IRAK1BP1: variants seen among roughly 807,000 people sequenced by gnomAD.
IRAK1BP1 encodes interleukin-1 receptor-associated kinase 1-binding protein 1.
Under a neutral mutation model 28.0 loss-of-function variants are expected in IRAK1BP1, and 24 were observed. The observed-to-expected ratio is 0.86, with a 90% CI of 0.62 to 1.20. The LOEUF (loss-of-function observed/expected upper bound fraction) is 1.20, where lower values mean the gene tolerates loss of function less well. Ranked by LOEUF, IRAK1BP1 falls within the 50% of genes most tolerant of loss-of-function variation. The pLI is 0.00. For missense variants in IRAK1BP1, 336 were observed against 316.7 expected, an observed-to-expected ratio of 1.06 and a Z score of -0.46; for synonymous variants, 131 against 116.3, an observed-to-expected ratio of 1.13 and a Z score of -0.81.
In IRAK1BP1 at chr6:78,945,557, A is replaced by C; in HGVS notation, c.*217A>C. 4 of 1,044,510 alleles carry C rather than the reference A, an allele frequency of 3.8e-6. No individual in the cohort carries two copies. The East Asian group carries it at 1.0e-4, about 27-fold the overall frequency. The allele number at this position is 1,044,510 out of a possible 1,614,324, so 64.7% of individuals were successfully genotyped here. A position where few individuals can be genotyped will look rare whatever the true frequency, so the allele number is the denominator to read the frequency against. ...TTATTGAACCTAAAGATAAGAAAAA[A>C]GGTTAACCTGAATTATTTGAATTAG... On this transcript the variant is annotated 3_prime_UTR_variant and NMD_transcript_variant, in exon 5 of 5. Transcript: ENST00000606868.
chr6:78,944,015 G>T (rs1408992757), intron 4 of IRAK1BP1, among the ~76,000 whole-genome samples: 4 of 123,846 alleles, frequency 3.2e-5, no homozygotes, highest in Non-Finnish European at 6.8e-5. Context: ...AAAAAAAAAG[G>T]AAGTGCTTGA....
the IRAK1BP1 span, among the ~76,000 whole-genome samples, chr6:78,952,441 G>GA: frequency 7.7e-3 from 933 of 120,874 alleles, 9 homozygotes; most frequent in African/African-American, 0.026. Context: ...AAAAAAAAAA[G>GA]AAAAAAAAAA....
chr6:78,895,817 G>T (rs1267856888), intron 2 of IRAK1BP1, among the ~76,000 whole-genome samples: 2 of 152,198 alleles, frequency 1.3e-5, no homozygotes, highest in East Asian at 1.9e-4. Flanking sequence ...TTGTGCCTAC[G>T]ATCAGGTACA....
intron 4 of IRAK1BP1, among the ~76,000 whole-genome samples, chr6:78,932,120 C>A (rs765922816): frequency 1.3e-5 from 2 of 152,182 alleles, no homozygotes; most frequent in Non-Finnish European, 2.9e-5. Flanking sequence ...CATGAGATTG[C>A]AGCAATTCAG....
chr6:78,895,120 A>C (rs1429715112), intron 2 of IRAK1BP1, among the ~76,000 whole-genome samples: 4 of 152,124 alleles, frequency 2.6e-5, no homozygotes, highest in Non-Finnish European at 5.9e-5. Context: ...CTCAAAAAAA[A>C]AAAAAAAGTA....
At chr6:78,974,716 A>T in the IRAK1BP1 span, among the ~76,000 whole-genome samples, 1 of 152,198 alleles carries the variant, frequency 6.6e-6, no homozygotes, top group African/African-American at 2.4e-5. Context: ...ACAGAAATAC[A>T]AACTACCATC....
chr6:78,961,835 A>T, the IRAK1BP1 span: 1 of 1,563,828 alleles, frequency 6.4e-7, no homozygotes, highest in Non-Finnish European at 8.7e-7. Context: ...TAAGTTTGTA[A>T]ATTTATTTTT....
At chr6:78,911,434 A>G (rs1209522980) in intron 4 of IRAK1BP1, among the ~76,000 whole-genome samples, 1 of 152,116 alleles carries the variant, frequency 6.6e-6, no homozygotes, top group African/African-American at 2.4e-5. Flanking sequence ...ACACAATCCC[A>G]CATCTGGGAT....
chr6:78,954,977 G>T, the IRAK1BP1 span: 6,663 of 1,516,348 alleles, frequency 4.4e-3, 100 homozygotes, highest in African/African-American at 0.043. Flanking sequence ...TGATAAAAGT[G>T]TTCAAATATA....
In IRAK1BP1 at chr6:78,900,748, G is replaced by A. The variant is rs1326169623; in HGVS notation, c.*2414G>A. ...TCCTTACAAATGAAAGAGACTAATA[G>A]TACTTAACCTTGCAGTGTTATTATA... On this transcript the variant is annotated 3_prime_UTR_variant, in exon 4 of 4. Transcript: ENST00000369940. 6.6e-6 allele frequency: 1 copy of A among 152,154 alleles called. No homozygotes were observed. The highest frequency in any genetic ancestry group is 1.5e-5 in the Non-Finnish European group (1 of 68,032). 9.4% of individuals were successfully genotyped at this position (152,154 alleles called of 1,614,324 possible).
At chr6:78,892,208 A>G (rs530471755) in intron 2 of IRAK1BP1, among the ~76,000 whole-genome samples, 22 of 152,086 alleles carry the variant, frequency 1.4e-4, no homozygotes, top group Admixed American at 7.9e-4. Context: ...CTTATGTAAC[A>G]AACTCTTTCT....
chr6:78,881,868 CA>C (rs1391241159), intron 1 of IRAK1BP1, among the ~76,000 whole-genome samples: 6 of 151,966 alleles, frequency 3.9e-5, no homozygotes. Flanking sequence ...AGGGAAGTTA[CA>C]GATAAAAATG....
the IRAK1BP1 span, among the ~76,000 whole-genome samples, chr6:78,965,138 C>T: frequency 6.6e-6 from 1 of 152,252 alleles, no homozygotes; most frequent in East Asian, 1.9e-4. Context: ...ACAACTATAT[C>T]TTCATTGAGC....
the IRAK1BP1 span, among the ~76,000 whole-genome samples, chr6:78,979,267 C>T: frequency 6.6e-6 from 1 of 151,978 alleles, no homozygotes; most frequent in Non-Finnish European, 1.5e-5. Context: ...ACAAAGAGAA[C>T]TAACTAGAAG....
exon 5 of IRAK1BP1, chr6:78,945,547 A>T (rs369188165): frequency 8.7e-7 from 1 of 1,155,976 alleles, no homozygotes; most frequent in Admixed American, 1.9e-5. Context: ...GAACCTAAAG[A>T]TAAGAAAAAA....
Position 78,925,870 on chromosome 6 carries a change from C to A in IRAK1BP1, c.*68-19538C>A, listed in dbSNP as rs540775496. 2.0e-5 allele frequency among the ~76,000 whole-genome samples: 3 copies of A among 152,094 alleles called. No homozygotes were observed. The South Asian group carries it at 6.2e-4, about 32-fold the overall frequency. ...AATACTATGCAGCCATAATAAAGAA[C>A]AAAATTATGTCCTTTGCAGCAACGT... is the stretch of plus-strand genomic sequence containing the variant. On this transcript the variant is annotated intron_variant and NMD_transcript_variant, in intron 4 of 4. Coordinates refer to the IRAK1BP1 transcript ENST00000606868.
chr6:78,879,942 C>G (rs1771163383), intron 1 of IRAK1BP1, among the ~76,000 whole-genome samples: 1 of 152,192 alleles, frequency 6.6e-6, no homozygotes, highest in Admixed American at 6.5e-5. Context: ...CATATTGAGT[C>G]TGAAATGGGG....
At chr6:78,887,232 T>C (rs1771459813) in intron 2 of IRAK1BP1, among the ~76,000 whole-genome samples, 1 of 152,122 alleles carries the variant, frequency 6.6e-6, no homozygotes, top group African/African-American at 2.4e-5. Flanking sequence ...AGGACTTGAA[T>C]AGACATTTAT....
At chr6:78,967,405 A>G in the IRAK1BP1 span, among the ~76,000 whole-genome samples, 1 of 152,236 alleles carries the variant, frequency 6.6e-6, no homozygotes, top group African/African-American at 2.4e-5. Context: ...TTATTATGCT[A>G]AAGAGGAAGG....
Sources: allele counts gnomAD v4.1 joint callset (sites outside exome capture counted in the v4.1 genomes callset), GRCh38; gene constraint gnomAD v4.1.1; transcripts MANE v1.5; gene names NCBI Gene and HGNC (gene_info 2026-07-23, HGNC 2026-07-21).